Variants in TCF7L2 observed in about 807,000 individuals in gnomAD.
TCF7L2 encodes the protein transcription factor 7 like 2.
Under a neutral mutation model 77.9 loss-of-function variants are expected in TCF7L2, and 23 were observed. The observed-to-expected ratio is 0.30, with a 90% CI of 0.21 to 0.42. The LOEUF (loss-of-function observed/expected upper bound fraction) is 0.42, where lower values mean the gene tolerates loss of function less well. Among genes scored for constraint, TCF7L2 ranks in the 10% least tolerant of loss-of-function variants. The pLI is 1.00. For missense variants in TCF7L2, 654 were observed against 793.1 expected, an observed-to-expected ratio of 0.82 and a Z score of 2.11; for synonymous variants, 413 against 340.2, an observed-to-expected ratio of 1.21 and a Z score of -2.36.
In TCF7L2 at chr10:113,007,201, T is replaced by G. The variant is rs146843761; in HGVS notation, c.451-32824T>G. 9.5e-3 allele frequency among the ~76,000 whole-genome samples: 1,447 copies of G among 152,212 alleles called. 9 individuals are homozygous for G. Among genetic ancestry groups the G allele is most frequent in the Non-Finnish European group, 0.015 (1,028 of 68,000 alleles). On this transcript the variant is annotated intron_variant, in intron 4 of 13. Coordinates refer to ENST00000627217, the MANE Select transcript of TCF7L2 (RefSeq NM_001146274.2). ...GGGTAGCATCTGGCTCTCTTAGAGG[T>G]GTGTGGGGGCGTGTGATGCCTGCCA...
In TCF7L2 at chr10:113,029,517, C is replaced by T. The variant is rs143912827; in HGVS notation, c.451-10508C>T. Among the ~76,000 whole-genome samples, 358 of 149,568 alleles carry T rather than the reference C, an allele frequency of 2.4e-3. 1 individual carries two copies. The highest frequency in any genetic ancestry group is 8.6e-3 in the African/African-American group (352 of 40,856). The stretch of plus-strand genomic sequence containing the variant: ...TGTGTATGTGACTCTGTCTTCTCTC[C>T]ATTCCTCTTTTTTTTTTTTTTTTTT... On this transcript the variant is annotated intron_variant, in intron 4 of 13. Transcript: ENST00000627217.
At chr10:112,988,553 A>C (rs7913435) in intron 4 of TCF7L2, among the ~76,000 whole-genome samples, 1,523 of 152,108 alleles carry the variant, frequency 0.01, 28 homozygotes, top group African/African-American at 0.034. Context: ...CGAGTGGGCC[A>C]CTCACCCTTT....
chr10:112,976,991 T>A (rs188900142), intron 4 of TCF7L2, among the ~76,000 whole-genome samples: 5,806 of 145,040 alleles, frequency 0.04, 358 homozygotes, highest in African/African-American at 0.14. Flanking sequence ...TTTTTTTTTT[T>A]AAATGTCAGG....
chr10:113,050,994 A>G (rs1162056682), intron 5 of TCF7L2, among the ~76,000 whole-genome samples: 1 of 151,568 alleles, frequency 6.6e-6, no homozygotes, highest in Non-Finnish European at 1.5e-5. Context: ...ATCTGTCTCT[A>G]CACATTTTTT....
chr10:112,989,835 A>T (rs1015532857), intron 4 of TCF7L2, among the ~76,000 whole-genome samples: 1 of 152,150 alleles, frequency 6.6e-6, no homozygotes, highest in African/African-American at 2.4e-5. Context: ...GTTCTGGCTC[A>T]CCTAGTACTA....
At chr10:112,995,158 C>A (rs2043238452) in intron 4 of TCF7L2, among the ~76,000 whole-genome samples, 1 of 152,210 alleles carries the variant, frequency 6.6e-6, no homozygotes, top group African/African-American at 2.4e-5. Flanking sequence ...CTCAGGGGAA[C>A]CCCTGGGCTG....
intron 3 of TCF7L2, chr10:112,951,896 G>GC: frequency 7.9e-6 from 1 of 127,384 alleles, no homozygotes; most frequent in East Asian, 2.1e-4. Flanking sequence ...GGTGGGGAGG[G>GC]GGGGGAATCC....
chr10:112,980,492 A>G (rs2040264687), intron 4 of TCF7L2, among the ~76,000 whole-genome samples: 1 of 152,166 alleles, frequency 6.6e-6, no homozygotes, highest in African/African-American at 2.4e-5. Context: ...ATCAGACTCA[A>G]TTCAGGAGTG....
chr10:112,951,445 G>A (rs771627669), intron 2 of TCF7L2, 38 bp from the exon 3 acceptor site: 2 of 1,375,412 alleles, frequency 1.5e-6, no homozygotes, highest in Non-Finnish European at 1.9e-6. Flanking sequence ...CCCGCTCCGC[G>A]CGGCCGCCGC....
At chr10:113,083,200 T>C (rs1318958398) in intron 5 of TCF7L2, among the ~76,000 whole-genome samples, 1 of 151,476 alleles carries the variant, frequency 6.6e-6, no homozygotes, top group African/African-American at 2.4e-5. Context: ...AGGTGCCATG[T>C]GTGACCTGGA....
intron 3 of TCF7L2, among the ~76,000 whole-genome samples, chr10:112,961,859 G>C (rs1335328338): frequency 6.6e-6 from 1 of 151,670 alleles, no homozygotes; most frequent in Non-Finnish European, 1.5e-5. Context: ...TTAGAAGGGA[G>C]TATGGGTGTC....
Position 112,951,624 on chromosome 10 carries a change from C to T in TCF7L2, c.381+17C>T. 2.6e-6 allele frequency: 3 copies of T among 1,162,100 alleles called. No homozygotes were observed. Among genetic ancestry groups the T allele is most frequent in the Non-Finnish European group, 3.2e-6 (3 of 927,388 alleles). The allele number at this position is 1,162,100 out of a possible 1,614,324, so 72.0% of individuals were successfully genotyped here. On this transcript the variant is annotated intron_variant, in intron 3 of 13. Transcript: ENST00000627217. The stretch of plus-strand genomic sequence containing the variant: ...GCCCGAACCGTAAGTGCCTCCGCGC[C>T]CGGCCCCCGCCCGCTGCCCGCCCGC...
At chr10:112,970,845 C>T (rs1453896745) in intron 4 of TCF7L2, among the ~76,000 whole-genome samples, 1 of 152,206 alleles carries the variant, frequency 6.6e-6, no homozygotes, top group Non-Finnish European at 1.5e-5. Context: ...ACAGGTTCAG[C>T]CCTTGGTGCA....
chr10:113,135,752 T>C (rs1303583687), intron 5 of TCF7L2, among the ~76,000 whole-genome samples: 1 of 152,160 alleles, frequency 6.6e-6, no homozygotes, highest in Non-Finnish European at 1.5e-5. Flanking sequence ...TGTGTAAAAA[T>C]CCCTGCTAAA....
intron 4 of TCF7L2, among the ~76,000 whole-genome samples, chr10:113,024,208 G>A (rs1444174989): frequency 6.6e-6 from 1 of 152,098 alleles, no homozygotes; most frequent in East Asian, 2.0e-4. Context: ...TGAGGCAGGA[G>A]AATGGCTTGA....
chr10:112,971,516 G>A (rs1306857402), intron 4 of TCF7L2, among the ~76,000 whole-genome samples: 1 of 151,898 alleles, frequency 6.6e-6, no homozygotes, highest in East Asian at 1.9e-4. Flanking sequence ...CACCATGTTG[G>A]CCAGGCTGGT....
At chr10:113,074,160 T>C (rs2058440471) in intron 5 of TCF7L2, among the ~76,000 whole-genome samples, 1 of 152,198 alleles carries the variant, frequency 6.6e-6, no homozygotes, top group African/African-American at 2.4e-5. Flanking sequence ...TCTTGGATCT[T>C]TTAGATACTT....
intron 6 of TCF7L2, among the ~76,000 whole-genome samples, chr10:113,142,241 C>T (rs1480188139): frequency 6.6e-6 from 1 of 152,152 alleles, no homozygotes; most frequent in Non-Finnish European, 1.5e-5. Flanking sequence ...CTGACCACCT[C>T]GGCCTCCCAA....
chr10:113,017,625 C>G (rs1324251718), intron 4 of TCF7L2, among the ~76,000 whole-genome samples: 1 of 152,192 alleles, frequency 6.6e-6, no homozygotes, highest in Admixed American at 6.5e-5. Flanking sequence ...TGGAGACACC[C>G]TCTCTGGTCA....
Sources: allele counts gnomAD v4.1 joint callset (sites outside exome capture counted in the v4.1 genomes callset), GRCh38; gene constraint gnomAD v4.1.1; transcripts MANE v1.5; gene names NCBI Gene and HGNC (gene_info 2026-07-23, HGNC 2026-07-21).